The following SPTLC2 variants were observed in gnomAD, a reference collection of about 807,000 sequenced individuals.
SPTLC2 encodes the protein serine palmitoyltransferase long chain base subunit 2, also known as serine palmitoyltransferase 2.
A neutral mutation model predicts 62.0 loss-of-function variants in SPTLC2; 21 were observed. That is an observed-to-expected ratio of 0.34 (90% CI 0.24 to 0.49). The LOEUF is 0.49. Ranked by LOEUF, SPTLC2 falls within the 20% of genes least tolerant of loss-of-function variation. SPTLC2 has a pLI of 0.99. For missense variants in SPTLC2, 511 were observed against 713.0 expected, an observed-to-expected ratio of 0.72 and a Z score of 3.23; for synonymous variants, 261 against 261.8, an observed-to-expected ratio of 1.00 and a Z score of 0.03.
chr14:77,513,016 CT>C (rs1190713237), intron 11 of SPTLC2, among the ~76,000 whole-genome samples: 3,631 of 62,416 alleles, frequency 0.058, 36 homozygotes, highest in African/African-American at 0.1. Flanking sequence ...AACCCAGCAA[CT>C]TTTTTTTTTT....
chr14:77,528,843 T>C (rs1335625164), intron 9 of SPTLC2, among the ~76,000 whole-genome samples: 1 of 152,188 alleles, frequency 6.6e-6, no homozygotes, highest in Non-Finnish European at 1.5e-5. Context: ...TTATTTTTTG[T>C]TTGTTTTTTG....
At chr14:77,527,051 C>T (rs1316057138) in intron 9 of SPTLC2, among the ~76,000 whole-genome samples, 1 of 150,460 alleles carries the variant, frequency 6.6e-6, no homozygotes, top group Admixed American at 6.6e-5. Flanking sequence ...GCCTCGGCCT[C>T]CCAAAGTGCT....
chr14:77,521,678 T>C, intron 9 of SPTLC2, 97 bp from the exon 10 acceptor site: 1 of 1,141,916 alleles, frequency 8.8e-7, no homozygotes, highest in Non-Finnish European at 1.3e-6. Flanking sequence ...ATCTAATCAG[T>C]TCTGTTTCGT....
chr14:77,572,192 G>C (rs576805286), intron 4 of SPTLC2, among the ~76,000 whole-genome samples: 1 of 152,232 alleles, frequency 6.6e-6, no homozygotes, highest in Non-Finnish European at 1.5e-5. Context: ...CACAAGGCTT[G>C]TCATTTCTGG....
At chr14:77,538,728 A>T (rs773203575) in intron 9 of SPTLC2, among the ~76,000 whole-genome samples, 19 of 151,824 alleles carry the variant, frequency 1.3e-4, no homozygotes, top group Non-Finnish European at 1.2e-4. Context: ...GCGTCACCAC[A>T]TCTGGCTAAT....
intron 9 of SPTLC2, chr14:77,535,747 T>C (rs757324405): frequency 2.1e-5 from 7 of 327,690 alleles, no homozygotes; most frequent in Non-Finnish European, 3.5e-5. Flanking sequence ...ATGTTCAGCA[T>C]TGCTTATTTA....
At chr14:77,571,866 C>T (rs560093792) in intron 4 of SPTLC2, among the ~76,000 whole-genome samples, 192 of 152,270 alleles carry the variant, frequency 1.3e-3, no homozygotes, top group African/African-American at 4.4e-3. Flanking sequence ...TCTCAGCTCA[C>T]TGCAACCTCC....
At chr14:77,609,351 T>C (rs377297081) in intron 1 of SPTLC2, among the ~76,000 whole-genome samples, 87 of 152,340 alleles carry the variant, frequency 5.7e-4, no homozygotes, top group African/African-American at 1.9e-3. Context: ...TTCAGTAGTA[T>C]TGCTGAATAA....
chr14:77,586,520 G>T (rs2079782402), intron 2 of SPTLC2, among the ~76,000 whole-genome samples: 2 of 152,156 alleles, frequency 1.3e-5, no homozygotes, highest in South Asian at 4.1e-4. Context: ...ACAGCCAAAA[G>T]GTGGTAACAA....
At chr14:77,529,474 G>A (rs940135213) in intron 9 of SPTLC2, among the ~76,000 whole-genome samples, 5 of 151,362 alleles carry the variant, frequency 3.3e-5, no homozygotes, top group South Asian at 2.1e-4. Flanking sequence ...AGCAAACTAC[G>A]TTTTCAAAGG....
chr14:77,581,982 G>A (rs1230700563), intron 2 of SPTLC2, among the ~76,000 whole-genome samples: 3 of 151,940 alleles, frequency 2.0e-5, no homozygotes, highest in African/African-American at 7.2e-5. Flanking sequence ...ATGTAAAAAA[G>A]GGTAACAGTA....
At chr14:77,525,531 C>T (rs1302206592) in intron 9 of SPTLC2, among the ~76,000 whole-genome samples, 7 of 150,060 alleles carry the variant, frequency 4.7e-5, no homozygotes, top group Non-Finnish European at 1.0e-4. Context: ...TAGAGGTTGC[C>T]GTGAGCGAGA....
chr14:77,544,322 GT>G (rs939912361), intron 9 of SPTLC2, among the ~76,000 whole-genome samples: 2 of 152,080 alleles, frequency 1.3e-5, no homozygotes, highest in African/African-American at 4.8e-5. Context: ...CCAGCCTAAG[GT>G]TTTCTTTTCA....
At chr14:77,578,923 T>C (rs1566786046) in intron 3 of SPTLC2, 32 bp downstream of exon 3, 1 of 1,611,962 alleles carries the variant, frequency 6.2e-7, no homozygotes, top group South Asian at 1.1e-5. Flanking sequence ...CTTTTGTAAT[T>C]GTTGTCAAAT....
At chr14:77,566,645 A>T (rs1004821096) in intron 5 of SPTLC2, among the ~76,000 whole-genome samples, 1 of 152,082 alleles carries the variant, frequency 6.6e-6, no homozygotes, top group African/African-American at 2.4e-5. Flanking sequence ...TATTTTTAGT[A>T]GAGACGGGGT....
chr14:77,524,514 T>C (rs1350957852), intron 9 of SPTLC2, among the ~76,000 whole-genome samples: 2 of 152,200 alleles, frequency 1.3e-5, no homozygotes, highest in African/African-American at 4.8e-5. Context: ...TACTGCTGTT[T>C]ATCCAAATAA....
chr14:77,532,245 T>C (rs1171435901), intron 9 of SPTLC2, among the ~76,000 whole-genome samples: 3 of 152,212 alleles, frequency 2.0e-5, no homozygotes, highest in Non-Finnish European at 4.4e-5. Flanking sequence ...TTAAATGTCC[T>C]GAGGCAAGAA....
At position 77,551,267 on chromosome 14, in the gene SPTLC2, G is replaced by A. The variant is rs561600794; in HGVS notation, c.1303+829C>T. Among the ~76,000 whole-genome samples the A allele has an allele frequency of 1.3e-3, 196 of 151,604 alleles. 1 individual carries two copies. The highest frequency in any genetic ancestry group is 2.3e-3 in the Non-Finnish European group (157 of 67,902). On this transcript the variant is annotated intron_variant, in intron 9 of 11. Coordinates refer to ENST00000216484, the MANE Select transcript of SPTLC2 (RefSeq NM_004863.4). Reference sequence around the variant, plus strand: ...AAATTAGCCGGGCGTGGTGGCGGGCGCCTGTAGTCCCAGCTACTCGGGAGG... The same window carrying A: ...AAATTAGCCGGGCGTGGTGGCGGGCACCTGTAGTCCCAGCTACTCGGGAGG...
chr14:77,607,978 G>A lies in SPTLC2; in HGVS notation c.132+8470C>T, dbSNP rs566218335. On this transcript the variant is annotated intron_variant, in intron 1 of 11. Coordinates refer to ENST00000216484, the MANE Select transcript of SPTLC2 (RefSeq NM_004863.4). ...GGCATTTGAAATCAATGTGAGAAAA[G>A]AGCAGAGGAAAGAGCTGACACGTTT... Among the ~76,000 whole-genome samples the A allele has an allele frequency of 1.7e-4, 26 of 152,308 alleles. 1 individual carries two copies. The South Asian group carries it at 5.4e-3, about 32-fold the overall frequency.
Sources: gnomAD v4.1 joint callset for allele counts (sites outside exome capture counted in the v4.1 genomes callset) on GRCh38, gnomAD v4.1.1 for gene constraint, MANE v1.5 for transcripts, NCBI Gene and HGNC (gene_info 2026-07-23, HGNC 2026-07-21) for gene names.